NRXN3: variants seen among roughly 807,000 people sequenced by gnomAD.
NRXN3 encodes the protein neurexin III.
In NRXN3, 32 loss-of-function variants were observed where a neutral mutation model predicts 137.6. The ratio of observed to expected loss-of-function variants is 0.23; its 90% CI spans 0.18 to 0.31. The LOEUF (loss-of-function observed/expected upper bound fraction) is 0.31. Among genes scored for constraint, NRXN3 ranks in the 10% least tolerant of loss-of-function variants. The probability of loss-of-function intolerance (pLI) is 1.00; values close to 1 mark genes in which losing one functional copy is unlikely to be tolerated. For synonymous variants in NRXN3, 798 were observed against 784.5 expected (o/e 1.02, Z -0.29); for missense variants, 1,574 against 2,062.5 (o/e 0.76, Z 4.59).
intron 15 of NRXN3, among the ~76,000 whole-genome samples, chr14:79,344,788 T>C (rs1042980865): frequency 2.6e-5 from 4 of 152,214 alleles, no homozygotes; most frequent in African/African-American, 9.7e-5. Flanking sequence ...ACAATATAAC[T>C]CTTTGTAACA....
chr14:78,525,913 C>A (rs2096371476), intron 4 of NRXN3, among the ~76,000 whole-genome samples: 1 of 152,104 alleles, frequency 6.6e-6, no homozygotes. Flanking sequence ...AATCTTTGAC[C>A]TCTCTTCTGG....
chr14:79,050,191 G>A (rs1449193174), intron 15 of NRXN3, among the ~76,000 whole-genome samples: 1 of 152,174 alleles, frequency 6.6e-6, no homozygotes, highest in Non-Finnish European at 1.5e-5. Context: ...GTTGTCCTGA[G>A]ATATCTCATG....
At chr14:78,410,034 A>G (rs748687955) in intron 4 of NRXN3, among the ~76,000 whole-genome samples, 1 of 152,040 alleles carries the variant, frequency 6.6e-6, no homozygotes, top group Non-Finnish European at 1.5e-5. Flanking sequence ...TCCAACCCTT[A>G]CTTTACTTAG....
intron 10 of NRXN3, among the ~76,000 whole-genome samples, chr14:78,867,035 G>A (rs898747506): frequency 6.6e-6 from 1 of 152,088 alleles, no homozygotes. Flanking sequence ...TTGACCTTGT[G>A]ATCCACCTGC....
At chr14:79,610,380 C>T (rs754752998) in intron 16 of NRXN3, among the ~76,000 whole-genome samples, 108 of 152,170 alleles carry the variant, frequency 7.1e-4, no homozygotes, top group Non-Finnish European at 1.2e-3. Context: ...ATTTAAATTT[C>T]ATGGTAGTAT....
chr14:78,508,932 T>A (rs1303647263), intron 4 of NRXN3, among the ~76,000 whole-genome samples: 1 of 152,240 alleles, frequency 6.6e-6, no homozygotes, highest in East Asian at 1.9e-4. Context: ...CAATATTTTG[T>A]ATTCAGTACT....
intron 8 of NRXN3, among the ~76,000 whole-genome samples, chr14:78,767,829 G>C (rs1274900397): frequency 6.6e-6 from 1 of 151,958 alleles, no homozygotes; most frequent in Non-Finnish European, 1.5e-5. Context: ...TATCCCAGTG[G>C]GCTAGAAGTA....
chr14:79,282,446 T>C (rs2081430139), intron 15 of NRXN3, among the ~76,000 whole-genome samples: 1 of 152,132 alleles, frequency 6.6e-6, no homozygotes, highest in Non-Finnish European at 1.5e-5. Flanking sequence ...TAGTAAGTGA[T>C]GGAATTTGCA....
In NRXN3 at chr14:79,553,321, G is replaced by C. The variant is rs995784964; in HGVS notation, c.3444+85919G>C. Among the ~76,000 whole-genome samples, 7 of 152,140 alleles carry C rather than the reference G, an allele frequency of 4.6e-5. No homozygotes were observed. The East Asian group carries it at 1.4e-3, about 29-fold the overall frequency. ...GGGAGGGAAGGGGAAGGGGAGGAAA[G>C]GGAAGGGAAGGGACAAAAAGAAAGA... On this transcript the variant is annotated intron_variant, in intron 16 of 20. Coordinates refer to ENST00000335750, the MANE Select transcript of NRXN3 (RefSeq NM_001330195.2).
intron 4 of NRXN3, among the ~76,000 whole-genome samples, chr14:78,489,750 A>C (rs1784279690): frequency 6.6e-6 from 1 of 152,086 alleles, no homozygotes; most frequent in Non-Finnish European, 1.5e-5. Flanking sequence ...AGCAGATGTC[A>C]GGATTCAGCT....
At chr14:78,467,338 G>A (rs73316471) in intron 4 of NRXN3, among the ~76,000 whole-genome samples, 3,032 of 151,964 alleles carry the variant, frequency 0.02, 105 homozygotes, top group African/African-American at 0.07. Context: ...CTCAAGTTTC[G>A]TGCTCTGCTA....
At chr14:79,400,693 T>C (rs2095167863) in intron 15 of NRXN3, among the ~76,000 whole-genome samples, 1 of 152,210 alleles carries the variant, frequency 6.6e-6, no homozygotes, top group African/African-American at 2.4e-5. Context: ...TCCAGATCTA[T>C]ATACTGTATA....
chr14:78,945,198 A>G (rs933458782), intron 10 of NRXN3, among the ~76,000 whole-genome samples: 1 of 152,200 alleles, frequency 6.6e-6, no homozygotes, highest in African/African-American at 2.4e-5. Context: ...TTCTGGCAGC[A>G]TTTTAAAGAT....
At chr14:78,760,270 G>A (rs2098688043) in intron 8 of NRXN3, among the ~76,000 whole-genome samples, 1 of 150,640 alleles carries the variant, frequency 6.6e-6, no homozygotes, top group Non-Finnish European at 1.5e-5. Flanking sequence ...TTGAACTCCC[G>A]ACCTCAGGTG....
At chr14:78,561,683 C>A (rs1339652998) in intron 4 of NRXN3, among the ~76,000 whole-genome samples, 2 of 152,208 alleles carry the variant, frequency 1.3e-5, no homozygotes, top group Non-Finnish European at 2.9e-5. Flanking sequence ...AACACTCTTC[C>A]TGGAACATAC....
At position 79,323,857 on chromosome 14, in the gene NRXN3, C is replaced by CA. The variant is rs923204064; in HGVS notation, c.3263-143352dup. Among the ~76,000 whole-genome samples the CA allele has an allele frequency of 2.6e-3, 367 of 143,140 alleles. 1 individual carries two copies. The highest frequency in any genetic ancestry group is 7.2e-3 in the African/African-American group (283 of 39,296). 93.9% of individuals were successfully genotyped at this position (143,140 alleles called of 152,430 possible). A position where few individuals can be genotyped will look rare whatever the true frequency, so the allele number is the denominator to read the frequency against. On this transcript the variant is annotated intron_variant, in intron 15 of 20. Coordinates refer to ENST00000335750, the MANE Select transcript of NRXN3 (RefSeq NM_001330195.2). The stretch of plus-strand genomic sequence containing the variant: ...TGGGCAACAGAGTGAGACTTCATCT[C>CA]AAAAAAAAAAAATTATATAGTATAA...
At chr14:78,518,306 T>C (rs980947114) in intron 4 of NRXN3, among the ~76,000 whole-genome samples, 20 of 152,116 alleles carry the variant, frequency 1.3e-4, no homozygotes, top group African/African-American at 4.8e-4. Context: ...AATGGTAATT[T>C]ACATGGAGTC....
At chr14:78,580,285 T>C (rs2096980195) in intron 4 of NRXN3, among the ~76,000 whole-genome samples, 1 of 152,116 alleles carries the variant, frequency 6.6e-6, no homozygotes, top group Non-Finnish European at 1.5e-5. Context: ...CTGCACTTAG[T>C]GGCCTGGATT....
chr14:79,058,283 G>C (rs2099668657), intron 15 of NRXN3, among the ~76,000 whole-genome samples: 1 of 152,138 alleles, frequency 6.6e-6, no homozygotes, highest in Admixed American at 6.5e-5. Flanking sequence ...ACAGTATCAG[G>C]AAGTCCAGGA....
Sources: allele counts gnomAD v4.1 joint callset (sites outside exome capture counted in the v4.1 genomes callset), GRCh38; gene constraint gnomAD v4.1.1; transcripts MANE v1.5; gene names NCBI Gene and HGNC (gene_info 2026-07-23, HGNC 2026-07-21).